Variants in SLC39A10 observed in about 807,000 individuals in gnomAD.
SLC39A10 encodes zinc transporter ZIP10.
A neutral mutation model predicts 65.1 loss-of-function variants in SLC39A10; 13 were observed. The observed-to-expected ratio is 0.20, with a 90% confidence interval of 0.13 to 0.32. SLC39A10 has a LOEUF of 0.32. Ranked by LOEUF, SLC39A10 falls within the 10% of genes least tolerant of loss-of-function variation. The pLI is 1.00. For missense variants in SLC39A10, 831 were observed against 1,018.4 expected (o/e 0.82, Z 2.50); for synonymous variants, 321 against 342.2 (o/e 0.94, Z 0.68).
intron 2 of SLC39A10, among the ~76,000 whole-genome samples, chr2:195,638,233 T>C (rs1004576254): frequency 6.6e-6 from 1 of 152,186 alleles, no homozygotes. Flanking sequence ...ACTCAAGCCA[T>C]CCTCCTGCCT....
At chr2:195,622,042 T>C (rs755976444) in intron 2 of SLC39A10, among the ~76,000 whole-genome samples, 2 of 152,186 alleles carry the variant, frequency 1.3e-5, no homozygotes, top group Admixed American at 6.5e-5. Flanking sequence ...GTCTTGCTAT[T>C]GTGCCTATCA....
At position 195,735,053 on chromosome 2, in the gene SLC39A10, A is replaced by C. The variant is rs1355125651; in HGVS notation, c.*12A>C. On this transcript the variant is annotated 3_prime_UTR_variant, in exon 10 of 10. Transcript: ENST00000359634. Reference sequence around the variant, plus strand: ...ACATCCAGTTTTGACCTTTCCCAGTAATCACTGTTGATTACGAGAATGTTA... The same window carrying C: ...ACATCCAGTTTTGACCTTTCCCAGTCATCACTGTTGATTACGAGAATGTTA... 1.1e-5 allele frequency: 17 copies of C among 1,607,234 alleles called. No individual in the cohort carries two copies. The Admixed American group carries it at 2.5e-4, about 24-fold the overall frequency.
Position 195,735,121 on chromosome 2 carries a change from C to T in SLC39A10, c.*80C>T. The T allele has an allele frequency of 7.1e-7, 1 of 1,415,180 alleles. No individual in the cohort carries two copies. Among genetic ancestry groups the T allele is most frequent in the South Asian group, 1.5e-5 (1 of 67,336 alleles). The allele number at this position is 1,415,180 out of a possible 1,614,324, so 87.7% of individuals were successfully genotyped here. A position where few individuals can be genotyped will look rare whatever the true frequency, so the allele number is the denominator to read the frequency against. ...TGTTCCTTGTACTGTATGCACATTG[C>T]TCAAAGGAAAGTCAGTGGCTTGCAC... On this transcript the variant is annotated 3_prime_UTR_variant, in exon 10 of 10. Coordinates refer to ENST00000359634, the MANE Select transcript of SLC39A10 (RefSeq NM_020342.3).
At chr2:195,622,464 A>C (rs1574195270) in intron 2 of SLC39A10, among the ~76,000 whole-genome samples, 1 of 152,326 alleles carries the variant, frequency 6.6e-6, no homozygotes, top group East Asian at 1.9e-4. Flanking sequence ...CATTCCCGGA[A>C]GTGTTTTTTG....
chr2:195,654,119 AG>A (rs1689099422), upstream of SLC39A10, among the ~76,000 whole-genome samples: 1 of 151,876 alleles, frequency 6.6e-6, no homozygotes, highest in South Asian at 2.1e-4. Context: ...TTGTATTTTT[AG>A]TAGAGATGGG....
intron 8 of SLC39A10, among the ~76,000 whole-genome samples, chr2:195,727,465 G>C (rs1488983829): frequency 6.6e-6 from 1 of 152,136 alleles, no homozygotes; most frequent in African/African-American, 2.4e-5. Context: ...GCACGGAAAA[G>C]TGGTAGGAAG....
At chr2:195,649,164 C>T (rs1055268561) in intron 2 of SLC39A10, among the ~76,000 whole-genome samples, 4 of 151,856 alleles carry the variant, frequency 2.6e-5, no homozygotes, top group African/African-American at 9.7e-5. Context: ...AAAAGAATGA[C>T]AACAACAACA....
chr2:195,724,706 C>A (rs1291700467), intron 8 of SLC39A10, among the ~76,000 whole-genome samples: 1 of 152,042 alleles, frequency 6.6e-6, no homozygotes, highest in Non-Finnish European at 1.5e-5. Context: ...GTTCAGGGAC[C>A]AGAAGACTAT....
chr2:195,662,878 TTCAG>T (rs1213494952), intron 1 of SLC39A10, among the ~76,000 whole-genome samples: 24 of 152,232 alleles, frequency 1.6e-4, no homozygotes, highest in Admixed American at 1.6e-3. Flanking sequence ...TAGAAAAATG[TTCAG>T]TCAAATGATC....
chr2:195,669,481 G>T (rs546358549), intron 1 of SLC39A10, among the ~76,000 whole-genome samples: 75 of 152,180 alleles, frequency 4.9e-4, no homozygotes, highest in Middle Eastern at 6.8e-3. Context: ...AAATACACCT[G>T]AGGATTTTTA....
At chr2:195,724,572 A>T (rs922717498) in intron 8 of SLC39A10, among the ~76,000 whole-genome samples, 3 of 152,180 alleles carry the variant, frequency 2.0e-5, no homozygotes, top group Admixed American at 2.0e-4. Flanking sequence ...TAAAATTTTT[A>T]AAAGGATCTA....
intron 3 of SLC39A10, among the ~76,000 whole-genome samples, chr2:195,695,117 C>T (rs899893443): frequency 3.9e-5 from 6 of 152,318 alleles, no homozygotes; most frequent in African/African-American, 1.4e-4. Flanking sequence ...GTGCGCATTC[C>T]TCTCAGTGCT....
chr2:195,620,284 T>A (rs565088377), intron 2 of SLC39A10, among the ~76,000 whole-genome samples: 230 of 152,282 alleles, frequency 1.5e-3, no homozygotes, highest in African/African-American at 5.0e-3. Context: ...CCAAGATCAT[T>A]AAAGGGTTAG....
At chr2:195,719,635 T>C (rs1190975180) in intron 8 of SLC39A10, among the ~76,000 whole-genome samples, 3 of 151,864 alleles carry the variant, frequency 2.0e-5, no homozygotes, top group Non-Finnish European at 4.4e-5. Context: ...TTTTTTTCTT[T>C]GAGACAGAGT....
intron 7 of SLC39A10, 121 bp downstream of exon 7, chr2:195,717,126 A>C (rs922568276): frequency 2.6e-5 from 35 of 1,355,142 alleles, no homozygotes; most frequent in Non-Finnish European, 3.4e-5. Context: ...GATTTTTCCC[A>C]AAGGCTACAG....
intron 3 of SLC39A10, among the ~76,000 whole-genome samples, chr2:195,696,333 A>AAC (rs1690959772): frequency 7.2e-6 from 1 of 138,324 alleles, no homozygotes; most frequent in Admixed American, 7.3e-5. Flanking sequence ...AAAAAAAAAA[A>AAC]AACCTATCAT....
At chr2:195,729,162 T>TA (rs1416319941) in intron 9 of SLC39A10, among the ~76,000 whole-genome samples, 1 of 151,898 alleles carries the variant, frequency 6.6e-6, no homozygotes, top group South Asian at 2.1e-4. Context: ...AACTTTTTTT[T>TA]ATAGAGATAG....
chr2:195,618,586 T>C (rs1688278299), intron 2 of SLC39A10, among the ~76,000 whole-genome samples: 1 of 152,232 alleles, frequency 6.6e-6, no homozygotes, highest in Non-Finnish European at 1.5e-5. Flanking sequence ...TTCATGGCAC[T>C]TTTCCTTACA....
chr2:195,666,770 C>T (rs1378489949), intron 1 of SLC39A10, among the ~76,000 whole-genome samples: 4 of 152,174 alleles, frequency 2.6e-5, no homozygotes, highest in African/African-American at 7.2e-5. Flanking sequence ...CTGGTTAGCA[C>T]TGTAAGTCTG....
Sources: gnomAD v4.1 joint callset for allele counts (sites outside exome capture counted in the v4.1 genomes callset) on GRCh38, gnomAD v4.1.1 for gene constraint, MANE v1.5 for transcripts, NCBI Gene and HGNC (gene_info 2026-07-23, HGNC 2026-07-21) for gene names.